PUM2: variants seen among roughly 807,000 people sequenced by gnomAD.
PUM2 encodes the protein pumilio homolog 2.
A neutral mutation model predicts 124.5 loss-of-function variants in PUM2; 57 were observed. The observed-to-expected ratio is 0.46, with a 90% CI of 0.37 to 0.57. PUM2 has a LOEUF of 0.57. PUM2 is among the 20% of genes least tolerant of loss of function. The pLI, the probability that PUM2 is intolerant of heterozygous loss-of-function variation, is 0.00. For synonymous variants in PUM2, 460 were observed against 446.1 expected (o/e 1.03, Z -0.39); for missense variants, 1,065 against 1,290.6 (o/e 0.83, Z 2.68).
chr2:20,317,579 G>C (rs976030622), intron 3 of PUM2, among the ~76,000 whole-genome samples: 7 of 152,046 alleles, frequency 4.6e-5, no homozygotes, highest in African/African-American at 1.7e-4. Context: ...TAGATTGGGG[G>C]GGTACATGTG....
chr2:20,296,706 G>A (rs1207996962), intron 8 of PUM2, among the ~76,000 whole-genome samples: 4 of 141,128 alleles, frequency 2.8e-5, no homozygotes, highest in East Asian at 2.1e-4. Flanking sequence ...ACCTATTCTT[G>A]CCTGTATAAT....
At chr2:20,317,026 G>A (rs1182276448) in intron 3 of PUM2, among the ~76,000 whole-genome samples, 1 of 151,588 alleles carries the variant, frequency 6.6e-6, no homozygotes, top group East Asian at 1.9e-4. Context: ...GCGAGACTCT[G>A]TCTCAGGGGA....
At chr2:20,253,677 AC>A in intron 20 of PUM2, 144 bp downstream of exon 20, 5 of 747,114 alleles carry the variant, frequency 6.7e-6, no homozygotes, top group Non-Finnish European at 1.0e-5. Context: ...TGGAAACCAT[AC>A]CAATATATCT....
intron 19 of PUM2, among the ~76,000 whole-genome samples, 158 bp downstream of exon 19, chr2:20,254,705 T>C (rs75248565): frequency 0.013 from 1,933 of 152,308 alleles, 63 homozygotes; most frequent in East Asian, 0.11. Context: ...TGTAGATTTT[T>C]TTAAAAAACA....
At chr2:20,261,422 A>AAAAAAAAAAAAT (rs1666230432) in intron 14 of PUM2, among the ~76,000 whole-genome samples, 1 of 144,616 alleles carries the variant, frequency 6.9e-6, no homozygotes, top group Non-Finnish European at 1.5e-5. Flanking sequence ...AAAAAAAAAA[A>AAAAAAAAAAAAT]GTGTAGTACA....
At chr2:20,259,004 T>C (rs949433468) in intron 15 of PUM2, among the ~76,000 whole-genome samples, 21 of 152,168 alleles carry the variant, frequency 1.4e-4, no homozygotes, top group African/African-American at 5.1e-4. Context: ...TTCTTAGCCA[T>C]ACGTTGACCA....
rs1402459365 is a variant in PUM2 at position 20,283,013 on chromosome 2, C to G, written c.1654G>C (p.Gly552Arg). 1 of 1,614,060 alleles carries G rather than the reference C, an allele frequency of 6.2e-7. No homozygotes were observed. Among genetic ancestry groups the G allele is most frequent in the Non-Finnish European group, 8.5e-7 (1 of 1,179,988 alleles). Residue 552 changes from glycine (G) to arginine (R), a missense_variant, in exon 12 of 21, where the codon GGC becomes CGC. Around this residue, in one of 3 missense-constraint regions of PUM2, gnomAD observed 968 missense variants for 1,159.8 expected, o/e 0.83. Coordinates refer to ENST00000361078, the MANE Select transcript of PUM2 (RefSeq NM_015317.5). ...CCCAAAGAGTTACCACTTCCAAAGC[C>G]AAGAGATGTACTTCCAGGTTGACCA... ...GPGQPGSTSLGFGSGNSLGAA... is the reference protein window; with the variant it reads ...GPGQPGSTSLRFGSGNSLGAA...
At chr2:20,308,903 C>T (rs1296031673) in intron 5 of PUM2, among the ~76,000 whole-genome samples, 1 of 152,148 alleles carries the variant, frequency 6.6e-6, no homozygotes, top group Non-Finnish European at 1.5e-5. Context: ...AAATCTCTGT[C>T]TCAAGTCACA....
In PUM2 at chr2:20,330,429, C is replaced by T. The variant is rs182310112; in HGVS notation, c.-18-3051G>A. Among the ~76,000 whole-genome samples the T allele has an allele frequency of 6.8e-4, 104 of 152,216 alleles. 1 individual carries two copies. Among genetic ancestry groups the T allele is most frequent in the African/African-American group, 2.4e-3 (101 of 41,524 alleles). ...ATTAGAGAGTTTGAACTTTCAGTTC[C>T]CCCTCCTGCTTCCAGAGATGGACTG... On this transcript the variant is annotated intron_variant, in intron 1 of 20. Transcript: ENST00000361078.
At chr2:20,301,100 T>A (rs1676867798) in intron 7 of PUM2, among the ~76,000 whole-genome samples, 1 of 152,238 alleles carries the variant, frequency 6.6e-6, no homozygotes, top group African/African-American at 2.4e-5. Context: ...TTATGCATAT[T>A]GACTGATATC....
At chr2:20,308,630 C>T (rs989217795) in intron 5 of PUM2, 46 bp from the exon 6 acceptor site, 5 of 1,507,258 alleles carry the variant, frequency 3.3e-6, no homozygotes, top group Non-Finnish European at 4.5e-6. Context: ...AGTAACAAGT[C>T]AAATAGCGAA....
At position 20,252,810 on chromosome 2, in the gene PUM2, T is replaced by A. The variant is rs938020525; in HGVS notation, c.3063+1012A>T. Among the ~76,000 whole-genome samples, 3 of 152,212 alleles carry A rather than the reference T, an allele frequency of 2.0e-5. No homozygotes were observed. In the East Asian group the frequency reaches 5.8e-4, roughly 29 times the overall value. ...AAATCAATGTTCAACCCATGTATTA[T>A]GGTAAATTAAATGTAGTTTGCCATC... On this transcript the variant is annotated intron_variant, in intron 20 of 20. Transcript: ENST00000361078.
Position 20,350,831 on chromosome 2 carries a change from G to T in PUM2, c.-253C>A. On this transcript the variant is annotated 5_prime_UTR_variant, in exon 1 of 21. Coordinates refer to ENST00000361078, the MANE Select transcript of PUM2 (RefSeq NM_015317.5). ...TCACAACAACATGGCTGCCACCGCC[G>T]CCTGCCCTCCCCTCCCCCCCGCCCA... The T allele has an allele frequency of 1.0e-6, 1 of 973,496 alleles. No homozygotes were observed. The highest frequency in any genetic ancestry group is 1.2e-6 in the Non-Finnish European group (1 of 821,424). The allele number at this position is 973,496 out of a possible 1,614,324, so 60.3% of individuals were successfully genotyped here.
At chr2:20,267,441 G>A (rs903418359) in intron 13 of PUM2, among the ~76,000 whole-genome samples, 1 of 152,144 alleles carries the variant, frequency 6.6e-6, no homozygotes, top group African/African-American at 2.4e-5. Context: ...GAAAACATGG[G>A]TGAAGGGTAT....
intron 13 of PUM2, among the ~76,000 whole-genome samples, chr2:20,267,491 A>T (rs975606728): frequency 7.9e-5 from 12 of 152,208 alleles, no homozygotes; most frequent in African/African-American, 2.9e-4. Context: ...TTATCCCAGA[A>T]TTGGTTAAAA....
chr2:20,266,385 C>G (rs1172240203), intron 13 of PUM2, among the ~76,000 whole-genome samples: 1 of 150,628 alleles, frequency 6.6e-6, no homozygotes, highest in Non-Finnish European at 1.5e-5. Flanking sequence ...GCAGAGGTTG[C>G]AATGAGATGA....
intron 2 of PUM2, 53 bp from the exon 3 acceptor site, chr2:20,318,698 T>C: frequency 1.5e-6 from 2 of 1,306,702 alleles, no homozygotes; most frequent in Non-Finnish European, 2.2e-6. Context: ...AAAGAATTAA[T>C]ATATAAGAAG....
chr2:20,288,241 G>A (rs886385298), intron 10 of PUM2, among the ~76,000 whole-genome samples: 2 of 152,156 alleles, frequency 1.3e-5, no homozygotes, highest in Non-Finnish European at 2.9e-5. Flanking sequence ...AGGAAGCAGA[G>A]ACTGATAAAA....
intron 1 of PUM2, among the ~76,000 whole-genome samples, chr2:20,339,320 T>C: frequency 6.7e-6 from 1 of 148,952 alleles, no homozygotes; most frequent in South Asian, 2.1e-4. Flanking sequence ...AGTGGGAAAA[T>C]GACCAGGGTT....
Sources: allele counts gnomAD v4.1 joint callset (sites outside exome capture counted in the v4.1 genomes callset), GRCh38; gene constraint gnomAD v4.1.1; regional missense constraint gnomAD v4.1.1; transcripts MANE v1.5; gene names NCBI Gene and HGNC (gene_info 2026-07-23, HGNC 2026-07-21).